ZFPM1: variants seen among roughly 807,000 people sequenced by gnomAD.
ZFPM1 encodes zinc finger protein, FOG family member 1.
In ZFPM1, 28 loss-of-function variants were observed where a neutral mutation model predicts 46.3. The ratio of observed to expected loss-of-function variants is 0.60; its 90% CI spans 0.45 to 0.83. The LOEUF (loss-of-function observed/expected upper bound fraction) is 0.83, where lower values mean the gene tolerates loss of function less well. ZFPM1 is among the 40% of genes least tolerant of loss of function. ZFPM1 has a pLI of 0.00. For synonymous variants in ZFPM1, 957 were observed against 675.9 expected (o/e 1.42, Z -6.45); for missense variants, 1,878 against 1,432.4 (o/e 1.31, Z -5.02).
At position 88,535,025 on chromosome 16, in the gene ZFPM1, G is replaced by A; in HGVS notation, c.*46G>A. On this transcript the variant is annotated 3_prime_UTR_variant, in exon 10 of 10. Transcript: ENST00000319555. Reference sequence around the variant, plus strand: ...GACGCTTTGCACGCCCCGCTGCGATGCGGGGAGGGGGCCGCCCCCAGGCCG... The same window carrying A: ...GACGCTTTGCACGCCCCGCTGCGATACGGGGAGGGGGCCGCCCCCAGGCCG... 7.4e-7 allele frequency: 1 copy of A among 1,354,624 alleles called. No individual in the cohort carries two copies. The highest frequency in any genetic ancestry group is 9.6e-7 in the Non-Finnish European group (1 of 1,045,198). The allele number at this position is 1,354,624 out of a possible 1,614,324, so 83.9% of individuals were successfully genotyped here.
At chr16:88,505,845 G>A (rs940566583) in intron 3 of ZFPM1, among the ~76,000 whole-genome samples, 5 of 152,140 alleles carry the variant, frequency 3.3e-5, no homozygotes, top group African/African-American at 1.2e-4. Context: ...CAGAGAGAGA[G>A]CCTCGGCAGG....
At position 88,534,337 on chromosome 16, in the gene ZFPM1, C is replaced by A; in HGVS notation, c.2379C>A (p.Gly793=). The A allele has an allele frequency of 7.3e-7, 1 of 1,372,972 alleles. No homozygotes were observed. Among genetic ancestry groups the A allele is most frequent in the Non-Finnish European group, 9.4e-7 (1 of 1,064,580 alleles). 85.0% of individuals were successfully genotyped at this position (1,372,972 alleles called of 1,614,324 possible). A position where few individuals can be genotyped will look rare whatever the true frequency, so the allele number is the denominator to read the frequency against. The change falls in exon 10 of 10, where the codon GGC becomes GGA. Residue 793 remains glycine (G), a synonymous_variant. Transcript: ENST00000319555. The part of the protein sequence containing the change: ...PARSPGPAAD[G]PIDLSKKPRR... Reference sequence around the variant, plus strand: ...GCTCGCCCGGCCCCGCGGCCGACGGCCCCATCGACCTGAGCAAGAAGCCGC... The same window carrying A: ...GCTCGCCCGGCCCCGCGGCCGACGGACCCATCGACCTGAGCAAGAAGCCGC...
chr16:88,523,498 G>A (rs1021490908), intron 4 of ZFPM1, among the ~76,000 whole-genome samples: 4 of 152,114 alleles, frequency 2.6e-5, no homozygotes, highest in African/African-American at 9.7e-5. Flanking sequence ...CAGGGGTCCG[G>A]CCACTTGGCA....
At chr16:88,485,354 G>A (rs556480078) in intron 1 of ZFPM1, among the ~76,000 whole-genome samples, 12 of 152,280 alleles carry the variant, frequency 7.9e-5, no homozygotes, top group African/African-American at 2.9e-4. Context: ...GGAGGCCAAG[G>A]GTCACGGCAG....
At chr16:88,458,834 G>T (rs928103923) in intron 1 of ZFPM1, among the ~76,000 whole-genome samples, 4 of 152,164 alleles carry the variant, frequency 2.6e-5, no homozygotes, top group South Asian at 2.1e-4. Flanking sequence ...CTACACTCAG[G>T]CAGGAGTGGC....
At chr16:88,501,081 G>T (rs112228313) in intron 3 of ZFPM1, among the ~76,000 whole-genome samples, 2,822 of 84,610 alleles carry the variant, frequency 0.033, 32 homozygotes, top group Middle Eastern at 0.094. Context: ...CATGGATGCG[G>T]GGGCCCTCCC....
chr16:88,513,308 G>C (rs1032846827), intron 3 of ZFPM1: 1 of 152,262 alleles, frequency 6.6e-6, no homozygotes, highest in African/African-American at 2.4e-5. Flanking sequence ...TCTGCCCTGG[G>C]GAAGACAAAG....
chr16:88,498,553 A>G (rs1910071269), intron 3 of ZFPM1, among the ~76,000 whole-genome samples: 1 of 152,152 alleles, frequency 6.6e-6, no homozygotes, highest in Admixed American at 6.5e-5. Context: ...TGAGGGAGAC[A>G]CCCCAAATCA....
intron 1 of ZFPM1, among the ~76,000 whole-genome samples, chr16:88,467,368 T>C (rs546120861): frequency 1.3e-5 from 2 of 152,352 alleles, no homozygotes; most frequent in African/African-American, 4.8e-5. Context: ...CCGCTAAGCC[T>C]GCCCTGCAGG....
chr16:88,464,937 G>A lies in ZFPM1; in HGVS notation c.40+11259G>A, dbSNP rs893351247. ...TATCTCGTCCATTTCCACTCCTCCCGAAGATAAGAATGGAAATTCTGACTT... is the reference window on the plus strand; with the variant it reads ...TATCTCGTCCATTTCCACTCCTCCCAAAGATAAGAATGGAAATTCTGACTT... On this transcript the variant is annotated intron_variant, in intron 1 of 9. Transcript: ENST00000319555. Among the ~76,000 whole-genome samples, 12 of 152,126 alleles carry A rather than the reference G, an allele frequency of 7.9e-5. 1 individual carries two copies. The East Asian group carries it at 1.3e-3, about 17-fold the overall frequency.
At position 88,469,883 on chromosome 16, in the gene ZFPM1, T is replaced by C. The variant is rs1332401408; in HGVS notation, c.41-16056T>C. 6.6e-6 allele frequency among the ~76,000 whole-genome samples: 1 copy of C among 151,860 alleles called. No individual in the cohort carries two copies. Among genetic ancestry groups the C allele is most frequent in the African/African-American group, 2.4e-5 (1 of 41,322 alleles). On this transcript the variant is annotated intron_variant, in intron 1 of 9. Coordinates refer to ENST00000319555, the MANE Select transcript of ZFPM1 (RefSeq NM_153813.3). This position sits in a 1 kb window ranked among gnomAD's most constrained non-coding sequence, Gnocchi z 4.3. ...GTGGGGTGCAGTGCCTCTCACGTGGTGAGGGTCAGAGGTGCGTGCCCAGCC... is the reference window on the plus strand; with the variant it reads ...GTGGGGTGCAGTGCCTCTCACGTGGCGAGGGTCAGAGGTGCGTGCCCAGCC...
rs1378755271 is a variant in ZFPM1 at position 88,489,034 on chromosome 16, T to C, written c.149T>C (p.Val50Ala). ...GACGGTGTTTTCCTCTCTGCAGATG[T>C]TAACTCACCCCCACCGCTGCCGCCC... Reference protein sequence around the residue: ...PEAPSPPSADVNSPPPLPPPT... With the variant: ...PEAPSPPSADANSPPPLPPPT... The change falls in exon 3 of 10, where the codon GTT (valine) becomes GCT (alanine). Residue 50 changes from valine (V) to alanine (A), a missense_variant. Coordinates refer to ENST00000319555, the MANE Select transcript of ZFPM1 (RefSeq NM_153813.3). 1.1e-5 allele frequency: 17 copies of C among 1,612,218 alleles called. No homozygotes were observed. In the Admixed American group the frequency reaches 2.7e-4, roughly 25 times the overall value.
chr16:88,525,000 AGCAGGCAGGT>A (rs1379213801), intron 4 of ZFPM1, among the ~76,000 whole-genome samples: 1 of 152,242 alleles, frequency 6.6e-6, no homozygotes, highest in African/African-American at 2.4e-5. Flanking sequence ...GCCGTGTGGT[AGCAGGCAGGT>A]GACGTGGAAG....
Position 88,495,217 on chromosome 16 carries a change from G to A in ZFPM1, c.268+6064G>A, listed in dbSNP as rs182823500. On this transcript the variant is annotated intron_variant, in intron 3 of 9. Coordinates refer to ENST00000319555, the MANE Select transcript of ZFPM1 (RefSeq NM_153813.3). ...GGGGTCCTGGGCTGGCCCATTTCAC[G>A]GGCCCTGTGTGGTCGTCTGCCCAGA... Among the ~76,000 whole-genome samples, 273 of 152,332 alleles carry A rather than the reference G, an allele frequency of 1.8e-3. 1 individual carries two copies. The highest frequency in any genetic ancestry group is 6.1e-3 in the African/African-American group (252 of 41,582).
intron 4 of ZFPM1, among the ~76,000 whole-genome samples, chr16:88,521,376 G>A (rs910104032): frequency 1.6e-4 from 25 of 152,112 alleles, no homozygotes; most frequent in African/African-American, 5.1e-4. Context: ...GGGGCTCCCT[G>A]CATGGTTTCA....
intron 2 of ZFPM1, among the ~76,000 whole-genome samples, chr16:88,488,603 A>C (rs1909374001): frequency 6.6e-6 from 1 of 152,086 alleles, no homozygotes; most frequent in African/African-American, 2.4e-5. Flanking sequence ...ATGGGATCGC[A>C]TCGATCGGGG....
chr16:88,516,851 C>T (rs1911332744), intron 4 of ZFPM1, among the ~76,000 whole-genome samples: 1 of 152,180 alleles, frequency 6.6e-6, no homozygotes, highest in Non-Finnish European at 1.5e-5. Flanking sequence ...TCCCCGCTGG[C>T]CTCCACAGGC....
chr16:88,533,051 T>TAG, intron 9 of ZFPM1, 97 bp from the exon 10 acceptor site: 3 of 1,351,620 alleles, frequency 2.2e-6, no homozygotes, highest in Non-Finnish European at 3.0e-6. Context: ...TCTAAACCAC[T>TAG]CCCGCCCACC....
chr16:88,485,037 T>C (rs1909140758), intron 1 of ZFPM1, among the ~76,000 whole-genome samples: 1 of 152,162 alleles, frequency 6.6e-6, no homozygotes, highest in South Asian at 2.1e-4. Flanking sequence ...TGTGAGCGCC[T>C]CCTTTGTGCT....
Sources: gnomAD v4.1 joint callset for allele counts (sites outside exome capture counted in the v4.1 genomes callset) on GRCh38, gnomAD v4.1.1 for gene constraint, Gnocchi (gnomAD v3.1) non-coding constraint, MANE v1.5 for transcripts, NCBI Gene and HGNC (gene_info 2026-07-23, HGNC 2026-07-21) for gene names.